MCUB: variants seen among roughly 807,000 people sequenced by gnomAD.
The protein encoded by MCUB is mitochondrial calcium uniporter dominant negative subunit beta, also known as calcium uniporter regulatory subunit MCUb, mitochondrial.
MCUB carries 46 observed loss-of-function variants against 41.4 expected under a neutral mutation model. The observed-to-expected ratio is 1.11, with a 90% CI of 0.88 to 1.42. MCUB has a LOEUF of 1.42. MCUB is among the 40% of genes most tolerant of loss of function. The pLI is 0.00. For missense variants in MCUB, 403 were observed against 404.9 expected (o/e 1.00, Z 0.04); for synonymous variants, 148 against 148.2 (o/e 1.00, Z 0.01).
intron 1 of MCUB, among the ~76,000 whole-genome samples, chr4:109,574,746 G>T (rs1726991137): frequency 6.6e-6 from 1 of 152,200 alleles, no homozygotes; most frequent in Non-Finnish European, 1.5e-5. Context: ...CTGCACTCAT[G>T]AGCACTGCCA....
intron 1 of MCUB, among the ~76,000 whole-genome samples, chr4:109,639,011 G>A: frequency 6.6e-6 from 1 of 152,062 alleles, no homozygotes; most frequent in East Asian, 1.9e-4. Context: ...CATCCGAGAG[G>A]GTTGGAAATA....
At chr4:109,661,995 T>C (rs1026211184) in intron 3 of MCUB, among the ~76,000 whole-genome samples, 4 of 152,160 alleles carry the variant, frequency 2.6e-5, no homozygotes, top group African/African-American at 9.7e-5. Context: ...ATGGCACCAC[T>C]GCACTCCAGC....
At chr4:109,583,665 T>G (rs562743162) in intron 1 of MCUB, among the ~76,000 whole-genome samples, 1 of 152,144 alleles carries the variant, frequency 6.6e-6, no homozygotes, top group Non-Finnish European at 1.5e-5. Flanking sequence ...ATGCTTCCAA[T>G]TTTTGCCCAT....
chr4:109,601,200 G>T (rs2126131134), intron 1 of MCUB, among the ~76,000 whole-genome samples: 1 of 152,278 alleles, frequency 6.6e-6, no homozygotes, highest in South Asian at 2.1e-4. Flanking sequence ...CATGCAGTGT[G>T]TAATAATCAC....
intron 1 of MCUB, among the ~76,000 whole-genome samples, chr4:109,580,547 T>C (rs893627060): frequency 1.3e-5 from 2 of 152,208 alleles, no homozygotes; most frequent in African/African-American, 4.8e-5. Context: ...ATCTGTTGTT[T>C]CCTGACTTTT....
chr4:109,582,894 A>G (rs1012764396), intron 1 of MCUB, among the ~76,000 whole-genome samples: 1 of 151,944 alleles, frequency 6.6e-6, no homozygotes, highest in Non-Finnish European at 1.5e-5. Flanking sequence ...GTTACTTCTG[A>G]GGACTTTGTT....
At chr4:109,684,289 C>T (rs1240886010) in intron 5 of MCUB, among the ~76,000 whole-genome samples, 154 bp from the exon 6 acceptor site, 2 of 152,162 alleles carry the variant, frequency 1.3e-5, no homozygotes, top group African/African-American at 4.8e-5. Flanking sequence ...GTCTCGATCT[C>T]CTGACCTCGT....
intron 1 of MCUB, among the ~76,000 whole-genome samples, chr4:109,608,419 G>A (rs1031356081): frequency 9.9e-5 from 15 of 152,156 alleles, no homozygotes; most frequent in African/African-American, 3.1e-4. Flanking sequence ...GTTTGGTGAG[G>A]TCATGTTTTC....
intron 6 of MCUB, 131 bp downstream of exon 6, chr4:109,684,777 T>G (rs933461246): frequency 5.3e-5 from 31 of 586,276 alleles, no homozygotes; most frequent in Middle Eastern, 9.1e-4. Flanking sequence ...GGTAAATTTT[T>G]TATTGTTTTT....
intron 1 of MCUB, among the ~76,000 whole-genome samples, chr4:109,596,089 T>A (rs1174439744): frequency 1.2e-5 from 1 of 85,494 alleles, no homozygotes; most frequent in Non-Finnish European, 2.2e-5. Context: ...TCCATCTAGG[T>A]GCTTGCCAAA....
chr4:109,628,237 T>C (rs1007768680), intron 1 of MCUB, among the ~76,000 whole-genome samples: 1 of 152,018 alleles, frequency 6.6e-6, no homozygotes, highest in African/African-American at 2.4e-5. Context: ...GCAATGAAAT[T>C]GTATTTAAGA....
intron 1 of MCUB, among the ~76,000 whole-genome samples, chr4:109,615,926 C>A (rs1728116584): frequency 1.3e-5 from 2 of 152,122 alleles, no homozygotes; most frequent in African/African-American, 4.8e-5. Flanking sequence ...TCAGTGCTGG[C>A]GATCAGTGAG....
intron 1 of MCUB, chr4:109,648,475 C>A: frequency 3.1e-6 from 1 of 327,178 alleles, no homozygotes. Flanking sequence ...TGTTTCTGTT[C>A]TGTTTCAGTC....
chr4:109,645,706 C>T (rs1226771477), intron 1 of MCUB, among the ~76,000 whole-genome samples: 2 of 152,138 alleles, frequency 1.3e-5, no homozygotes, highest in Non-Finnish European at 2.9e-5. Context: ...GAGAGCCCTG[C>T]TCAGTGTACC....
chr4:109,643,102 T>C (rs769430621), intron 1 of MCUB, among the ~76,000 whole-genome samples: 5 of 151,864 alleles, frequency 3.3e-5, no homozygotes, highest in Non-Finnish European at 5.9e-5. Flanking sequence ...CACTCTCAGC[T>C]AGATTTTAAT....
At chr4:109,642,757 AGCT>A (rs1728747402) in intron 1 of MCUB, among the ~76,000 whole-genome samples, 2 of 152,138 alleles carry the variant, frequency 1.3e-5, no homozygotes. Context: ...GATCACAAAA[AGCT>A]GCTATTTCTA....
At chr4:109,560,492 T>C (rs1726595661) in intron 1 of MCUB, 56 bp downstream of exon 1, 8 of 821,496 alleles carry the variant, frequency 9.7e-6, no homozygotes, top group Non-Finnish European at 1.3e-5. Flanking sequence ...AAAGTTTGCG[T>C]TGGACAACTT....
chr4:109,627,634 T>C (rs1579072367), intron 1 of MCUB, among the ~76,000 whole-genome samples: 1 of 152,278 alleles, frequency 6.6e-6, no homozygotes, highest in East Asian at 1.9e-4. Context: ...CTCTCTAGAC[T>C]GGGCACGGTG....
At chr4:109,634,840 C>T (rs559101116) in intron 1 of MCUB, among the ~76,000 whole-genome samples, 2 of 152,258 alleles carry the variant, frequency 1.3e-5, no homozygotes, top group South Asian at 4.2e-4. Flanking sequence ...TACTGGGATA[C>T]ATGTGCAGAA....
Sources: gnomAD v4.1 joint callset for allele counts (sites outside exome capture counted in the v4.1 genomes callset) on GRCh38, gnomAD v4.1.1 for gene constraint, MANE v1.5 for transcripts, NCBI Gene and HGNC (gene_info 2026-07-23, HGNC 2026-07-21) for gene names.